The following HSCB variants were observed in gnomAD, a reference collection of about 807,000 sequenced individuals.
HSCB encodes the protein HscB mitochondrial iron-sulfur cluster cochaperone.
HSCB carries 23 observed loss-of-function variants against 31.3 expected under a neutral mutation model. The observed-to-expected ratio is 0.74, with a 90% CI of 0.53 to 1.04. The LOEUF (loss-of-function observed/expected upper bound fraction) is 1.04. Ranked by LOEUF, HSCB falls within the 50% of genes least tolerant of loss-of-function variation. The pLI is 0.00. For synonymous variants in HSCB, 110 were observed against 104.5 expected (o/e 1.05, Z -0.32); for missense variants, 297 against 288.1 (o/e 1.03, Z -0.22).
intron 5 of HSCB, among the ~76,000 whole-genome samples, chr22:28,754,307 T>G (rs2030456745): frequency 6.6e-6 from 1 of 152,052 alleles, no homozygotes; most frequent in Non-Finnish European, 1.5e-5. Flanking sequence ...TGTGGGGGGA[T>G]AGAGTCAGGA....
chr22:28,757,113 A>T lies in HSCB; in HGVS notation c.652A>T (p.Met218Leu), dbSNP rs747340196. 1 of 1,571,074 alleles carries T rather than the reference A, an allele frequency of 6.4e-7. No individual in the cohort carries two copies. Among genetic ancestry groups the T allele is most frequent in the Non-Finnish European group, 8.8e-7 (1 of 1,141,252 alleles). ...AGAAGCCAAGGAAATTTTGACAAAGATGAGATACTTTTCAAATATAGAAGA... is the reference window on the plus strand; with the variant it reads ...AGAAGCCAAGGAAATTTTGACAAAGTTGAGATACTTTTCAAATATAGAAGA... ...FEEAKEILTKMRYFSNIEEKI... is the reference protein window; with the variant it reads ...FEEAKEILTKLRYFSNIEEKI... The change falls in exon 6 of 6, where the codon ATG becomes TTG. Residue 218 changes from methionine to leucine, a missense_variant. By Grantham distance (15) the Met-to-Leu change is conservative. Transcript: ENST00000216027.
At chr22:28,749,514 C>A (rs894841338) in intron 4 of HSCB, among the ~76,000 whole-genome samples, 2 of 152,132 alleles carry the variant, frequency 1.3e-5, no homozygotes, top group African/African-American at 4.8e-5. Flanking sequence ...TATCAGCCTC[C>A]CTCATTAGAC....
rs780633536 is a variant in HSCB at position 28,745,852 on chromosome 22, C to G, written c.424-12C>G. The G allele has an allele frequency of 1.3e-6, 2 of 1,592,822 alleles. No individual in the cohort carries two copies. The highest frequency in any genetic ancestry group is 1.7e-6 in the Non-Finnish European group (2 of 1,172,924). ...TTCTTCAACTTATTTTTCTTGCTTT[C>G]TACCCCAATAGCTAAAGCTCCATGG... On this transcript the variant is annotated splice_polypyrimidine_tract_variant and intron_variant, in intron 3 of 5. Transcript: ENST00000216027.
intron 4 of HSCB, among the ~76,000 whole-genome samples, chr22:28,748,917 A>T (rs1232217792): frequency 2.0e-5 from 3 of 152,132 alleles, no homozygotes; most frequent in Non-Finnish European, 4.4e-5. Context: ...AAGTGGAAGG[A>T]TCACTTGAGC....
At chr22:28,749,027 G>A (rs997436511) in intron 4 of HSCB, among the ~76,000 whole-genome samples, 3 of 152,086 alleles carry the variant, frequency 2.0e-5, no homozygotes, top group African/African-American at 7.2e-5. Flanking sequence ...TGTAGTCCCT[G>A]CTACTCGAGA....
intron 5 of HSCB, among the ~76,000 whole-genome samples, chr22:28,751,537 G>C (rs1363920542): frequency 2.0e-5 from 3 of 152,146 alleles, no homozygotes; most frequent in African/African-American, 7.2e-5. Flanking sequence ...CACGAAGTCA[G>C]GAGATTGAGA....
intron 4 of HSCB, 112 bp from the exon 5 acceptor site, chr22:28,751,128 CA>C (rs1384198718): frequency 1.5e-6 from 1 of 662,470 alleles, no homozygotes; most frequent in Non-Finnish European, 2.6e-6. Flanking sequence ...CCCTTGAATA[CA>C]AACTTCCTCC....
intron 5 of HSCB, among the ~76,000 whole-genome samples, chr22:28,753,429 G>C (rs1051393284): frequency 2.6e-5 from 4 of 152,012 alleles, no homozygotes; most frequent in African/African-American, 7.2e-5. Flanking sequence ...TCAGGAGGCT[G>C]AGGCAGGAAG....
At chr22:28,753,139 A>G (rs1309092773) in intron 5 of HSCB, among the ~76,000 whole-genome samples, 2 of 152,198 alleles carry the variant, frequency 1.3e-5, no homozygotes, top group Non-Finnish European at 2.9e-5. Flanking sequence ...GGGTCTACAT[A>G]ACGAAAGGAA....
rs758451182 is a variant in HSCB, at chr22:28,750,945, CTTTTT to C, written c.569-276_569-272del. Among the ~76,000 whole-genome samples, 37 of 56,456 alleles carry C rather than the reference CTTTTT, an allele frequency of 6.6e-4. 1 individual carries two copies. The highest frequency in any genetic ancestry group is 5.0e-3 in the Admixed American group (22 of 4,434). The allele number at this position is 56,456 out of a possible 152,430, so 37.0% of individuals were successfully genotyped here. On this transcript the variant is annotated intron_variant, in intron 4 of 5. Transcript: ENST00000216027. ...GGAGATAATCAAAGTATATCTTTGTCTTTTTTTTTTTTTTTTTTTTTTTTACTGAT... is the reference window on the plus strand; with the variant it reads ...GGAGATAATCAAAGTATATCTTTGTCTTTTTTTTTTTTTTTTTTTACTGAT...
Position 28,757,072 on chromosome 22 carries a change from T to C in HSCB, c.617-6T>C. The C allele has an allele frequency of 1.3e-6, 2 of 1,505,580 alleles. No homozygotes were observed. The highest frequency in any genetic ancestry group is 1.8e-6 in the Non-Finnish European group (2 of 1,081,718). 93.3% of individuals were successfully genotyped at this position (1,505,580 alleles called of 1,614,324 possible). On this transcript the variant is annotated splice_polypyrimidine_tract_variant and splice_region_variant and intron_variant, in intron 5 of 5. Transcript: ENST00000216027. The stretch of plus-strand genomic sequence containing the variant: ...AGCCTGACTTCAGTGTCTCTGTCTA[T>C]TTCAGATGACTTTGAAGAAGCCAAG...
intron 5 of HSCB, among the ~76,000 whole-genome samples, chr22:28,753,660 A>AACCCCGTCTCTATTC (rs2030409342): frequency 6.6e-6 from 1 of 150,522 alleles, no homozygotes; most frequent in African/African-American, 2.5e-5. Flanking sequence ...AACACGGTGA[A>AACCCCGTCTCTATTC]ACCCCGTCTC....
Position 28,757,236 on chromosome 22 carries a change from C to A in HSCB, c.*67C>A, listed in dbSNP as rs1344829651. On this transcript the variant is annotated 3_prime_UTR_variant, in exon 6 of 6. Transcript: ENST00000216027. ...GCACAGTGGCTCACACCTGTAATCCCAGCACTTTGGGAGGCTGAGGTGGGT... is the reference window on the plus strand; with the variant it reads ...GCACAGTGGCTCACACCTGTAATCCAAGCACTTTGGGAGGCTGAGGTGGGT... The A allele has an allele frequency of 3.6e-6, 3 of 833,926 alleles. No homozygotes were observed. In the East Asian group the frequency reaches 8.2e-5, roughly 23 times the overall value. 51.7% of individuals were successfully genotyped at this position (833,926 alleles called of 1,614,324 possible). A position where few individuals can be genotyped will look rare whatever the true frequency, so the allele number is the denominator to read the frequency against.
chr22:28,744,808 C>T (rs2054657418), intron 3 of HSCB, 104 bp downstream of exon 3: 1 of 878,076 alleles, frequency 1.1e-6, no homozygotes, highest in Middle Eastern at 2.7e-4. Context: ...TGAGGTCAGG[C>T]ATGGTGGCTC....
chr22:28,757,071 A>G lies in HSCB; in HGVS notation c.617-7A>G, dbSNP rs768722233. ...AAGCCTGACTTCAGTGTCTCTGTCTATTTCAGATGACTTTGAAGAAGCCAA... is the reference window on the plus strand; with the variant it reads ...AAGCCTGACTTCAGTGTCTCTGTCTGTTTCAGATGACTTTGAAGAAGCCAA... On this transcript the variant is annotated splice_polypyrimidine_tract_variant and splice_region_variant and intron_variant, in intron 5 of 5. Coordinates refer to ENST00000216027, the MANE Select transcript of HSCB (RefSeq NM_172002.5). The G allele has an allele frequency of 1.3e-6, 2 of 1,496,910 alleles. No individual in the cohort carries two copies. The highest frequency in any genetic ancestry group is 1.4e-5 in the African/African-American group (1 of 72,626). The allele number at this position is 1,496,910 out of a possible 1,614,324, so 92.7% of individuals were successfully genotyped here.
At chr22:28,753,736 G>C (rs1339953706) in intron 5 of HSCB, among the ~76,000 whole-genome samples, 2 of 152,092 alleles carry the variant, frequency 1.3e-5, no homozygotes, top group Admixed American at 1.3e-4. Context: ...TACTCAGGAG[G>C]CTGAGGCAGG....
At position 28,745,926 on chromosome 22, in the gene HSCB, C is replaced by T. The variant is rs986307029; in HGVS notation, c.486C>T (p.Leu162=). ...RTDYEMDRQF[L]IEIMEINEKL... is the part of the protein sequence containing the mutation. Reference sequence around the variant, plus strand: ...ATTATGAAATGGACAGGCAATTCCTCATAGAAATAATGGAAATCAATGAAA... The same window carrying T: ...ATTATGAAATGGACAGGCAATTCCTTATAGAAATAATGGAAATCAATGAAA... Residue 162 remains leucine, a synonymous_variant, in exon 4 of 6, where the codon CTC becomes CTT. Transcript: ENST00000216027. 3.1e-6 allele frequency: 5 copies of T among 1,613,206 alleles called. No homozygotes were observed. The African/African-American group carries it at 6.7e-5, about 22-fold the overall frequency.
Position 28,743,995 on chromosome 22 carries a change from C to T in HSCB, c.333+17C>T, listed in dbSNP as rs761894618. 9 of 1,512,042 alleles carry T rather than the reference C, an allele frequency of 6.0e-6. No individual in the cohort carries two copies. The highest frequency in any genetic ancestry group is 2.7e-5 in the African/African-American group (2 of 72,902). 93.7% of individuals were successfully genotyped at this position (1,512,042 alleles called of 1,614,324 possible). On this transcript the variant is annotated intron_variant, in intron 2 of 5. Transcript: ENST00000216027. ...AGGTCTCAGGTAGCTTATTGGCCAA[C>T]CCCAATAATCCCCAAATATGTGTGC...
intron 1 of HSCB, 42 bp from the exon 2 acceptor site, chr22:28,743,840 A>T: frequency 1.3e-6 from 2 of 1,506,322 alleles, no homozygotes; most frequent in Non-Finnish European, 1.8e-6. Flanking sequence ...ATAAACCTTT[A>T]AATATTTGTT....
Sources: allele counts gnomAD v4.1 joint callset (sites outside exome capture counted in the v4.1 genomes callset), GRCh38; gene constraint gnomAD v4.1.1; transcripts MANE v1.5; gene names NCBI Gene and HGNC (gene_info 2026-07-23, HGNC 2026-07-21).